PDX1: variants seen among roughly 807,000 people sequenced by gnomAD.
PDX1 encodes the protein pancreatic and duodenal homeobox 1, also known as pancreas/duodenum homeobox protein 1.
In PDX1, 7 loss-of-function variants were observed where a neutral mutation model predicts 11.1. The ratio of observed to expected loss-of-function variants is 0.63; its 90% CI spans 0.36 to 1.19. The LOEUF is 1.19. Ranked by LOEUF, PDX1 falls within the 50% of genes most tolerant of loss-of-function variation. PDX1 has a pLI of 0.02. For missense variants in PDX1, 449 were observed against 412.1 expected, an observed-to-expected ratio of 1.09 and a Z score of -0.78; for synonymous variants, 232 against 196.2, an observed-to-expected ratio of 1.18 and a Z score of -1.53.
At position 27,924,994 on chromosome 13, in the gene PDX1, A is replaced by C. The variant is rs1957814993; in HGVS notation, c.*293A>C. The stretch of plus-strand genomic sequence containing the variant: ...GGCGTTGTTTGTGGCTGTTGCGCAC[A>C]TCCCTGCCCTCCTACAGCACTCCAC... On this transcript the variant is annotated 3_prime_UTR_variant, in exon 2 of 2. Coordinates refer to ENST00000381033, the MANE Select transcript of PDX1 (RefSeq NM_000209.4). The surrounding 1 kb of genome is among the most constrained non-coding windows in gnomAD (Gnocchi z 4.8). 4 of 362,246 alleles carry C rather than the reference A, an allele frequency of 1.1e-5. No homozygotes were observed. Among genetic ancestry groups the C allele is most frequent in the African/African-American group, 2.1e-5 (1 of 46,928 alleles). 22.4% of individuals were successfully genotyped at this position (362,246 alleles called of 1,614,324 possible).
At chr13:27,922,472 G>A (rs183528394) in intron 1 of PDX1, among the ~76,000 whole-genome samples, 10 of 152,354 alleles carry the variant, frequency 6.6e-5, no homozygotes, top group Admixed American at 5.2e-4. Flanking sequence ...CCTGGGAAGA[G>A]CGAAGTGACA....
intron 1 of PDX1, among the ~76,000 whole-genome samples, chr13:27,923,701 T>A (rs1031405937): frequency 8.5e-5 from 13 of 152,336 alleles, no homozygotes; most frequent in African/African-American, 2.6e-4. Context: ...AAATAGCAGA[T>A]AATGGAGAGA....
rs193922358 is a variant in PDX1 at position 27,924,574 on chromosome 13, C to T, written c.725C>T (p.Pro242Leu). The T allele has an allele frequency of 1.5e-3, 2,205 of 1,506,836 alleles. 3 individuals are homozygous for T. Among genetic ancestry groups the T allele is most frequent in the Non-Finnish European group, 1.8e-3 (1,991 of 1,132,716 alleles). The allele number at this position is 1,506,836 out of a possible 1,614,324, so 93.3% of individuals were successfully genotyped here. A position where few individuals can be genotyped will look rare whatever the true frequency, so the allele number is the denominator to read the frequency against. The change falls in exon 2 of 2, where the codon CCG (proline) becomes CTG (leucine). Residue 242 changes from proline (P) to leucine (L), a missense_variant. Physicochemically the swap from Pro to Leu is moderately conservative, Grantham distance 98. Coordinates refer to ENST00000381033, the MANE Select transcript of PDX1 (RefSeq NM_000209.4). The surrounding 1 kb of genome is among the most constrained non-coding windows in gnomAD (Gnocchi z 4.8). The part of the protein sequence containing the change: ...GEELLALPPP[P>L]PPGGAVPPAA... ...GAGCTTCTGGCGCTGCCGCCGCCGCCGCCCCCCGGAGGTGCTGTGCCGCCC... is the reference window on the plus strand; with the variant it reads ...GAGCTTCTGGCGCTGCCGCCGCCGCTGCCCCCCGGAGGTGCTGTGCCGCCC...
Position 27,920,495 on chromosome 13 carries a change from C to T in PDX1, c.357C>T (p.Phe119=). The T allele has an allele frequency of 6.2e-7, 1 of 1,612,552 alleles. No individual in the cohort carries two copies. Among genetic ancestry groups the T allele is most frequent in the Non-Finnish European group, 8.5e-7 (1 of 1,179,838 alleles). Residue 119 remains phenylalanine (F), a synonymous_variant, in exon 1 of 2, where the codon TTC becomes TTT. Coordinates refer to ENST00000381033, the MANE Select transcript of PDX1 (RefSeq NM_000209.4). Reference sequence around the variant, plus strand: ...AGCCCAACCGCGTCCAGCTGCCTTTCCCATGGATGAAGTCTACCAAAGCTC... The same window carrying T: ...AGCCCAACCGCGTCCAGCTGCCTTTTCCATGGATGAAGTCTACCAAAGCTC... ...LEEPNRVQLP[F]PWMKSTKAHA...
At chr13:27,922,326 T>A (rs1957793446) in intron 1 of PDX1, among the ~76,000 whole-genome samples, 1 of 152,246 alleles carries the variant, frequency 6.6e-6, no homozygotes, top group South Asian at 2.1e-4. Flanking sequence ...ACCCGCTGCA[T>A]GCTCGACTCT....
In PDX1 at chr13:27,924,205, G is replaced by A. The variant is rs1488580637; in HGVS notation, c.407-51G>A. ...TTGAAGGGGTTGGGCTGCGTGGGTGGGGGCTGTGCGGGGCTCCGGGGGCCA... is the reference window on the plus strand; with the variant it reads ...TTGAAGGGGTTGGGCTGCGTGGGTGAGGGCTGTGCGGGGCTCCGGGGGCCA... On this transcript the variant is annotated intron_variant, in intron 1 of 1. Transcript: ENST00000381033. The surrounding 1 kb of genome is among the most constrained non-coding windows in gnomAD (Gnocchi z 4.8). 5 of 1,470,022 alleles carry A rather than the reference G, an allele frequency of 3.4e-6. No homozygotes were observed. The Admixed American group carries it at 1.0e-4, about 30-fold the overall frequency. 91.1% of individuals were successfully genotyped at this position (1,470,022 alleles called of 1,614,324 possible).
rs1298791020 is a variant in PDX1, at chr13:27,924,534, G to C, written c.685G>C (p.Val229Leu). The change falls in exon 2 of 2, where the codon GTG becomes CTG. Residue 229 changes from valine (V) to leucine (L), a missense_variant. Val to Leu is a conservative substitution (Grantham distance 32, BLOSUM62 1). Transcript: ENST00000381033. This position sits in a 1 kb window ranked among gnomAD's most constrained non-coding sequence, Gnocchi z 4.8. Reference protein sequence around the residue: ...GVAEPEQDCAVTSGEELLALP... With the variant: ...GVAEPEQDCALTSGEELLALP... ...CGCGGAGCCTGAGCAGGACTGCGCCGTGACCTCCGGCGAGGAGCTTCTGGC... is the reference window on the plus strand; with the variant it reads ...CGCGGAGCCTGAGCAGGACTGCGCCCTGACCTCCGGCGAGGAGCTTCTGGC... 1 of 1,592,428 alleles carries C rather than the reference G, an allele frequency of 6.3e-7. No homozygotes were observed. The highest frequency in any genetic ancestry group is 1.7e-5 in the Admixed American group (1 of 57,600).
Position 27,920,550 on chromosome 13 carries a change from C to T in PDX1, c.406+6C>T. ...GTGGAAAGGCCAGTGGGCAGGTAAGCCTGGCTCCCCACCCCTTTCTCCTTT... is the reference window on the plus strand; with the variant it reads ...GTGGAAAGGCCAGTGGGCAGGTAAGTCTGGCTCCCCACCCCTTTCTCCTTT... On this transcript the variant is annotated splice_donor_region_variant and intron_variant, in intron 1 of 1. Coordinates refer to ENST00000381033, the MANE Select transcript of PDX1 (RefSeq NM_000209.4). 1 of 1,612,856 alleles carries T rather than the reference C, an allele frequency of 6.2e-7. No individual in the cohort carries two copies. Among genetic ancestry groups the T allele is most frequent in the Non-Finnish European group, 8.5e-7 (1 of 1,179,842 alleles).
chr13:27,922,550 C>T (rs749244762), intron 1 of PDX1, among the ~76,000 whole-genome samples: 108 of 152,206 alleles, frequency 7.1e-4, no homozygotes, highest in Non-Finnish European at 1.4e-3. Flanking sequence ...AACATTGACC[C>T]CCAAATGCTT....
At position 27,925,612 on chromosome 13, in the gene PDX1, C is replaced by T; in HGVS notation, c.*911C>T. Reference sequence around the variant, plus strand: ...CCTCCTCTTTCTTCCTGACCTCTTTCTTTCTCCTCCTCCTCCTTCTACCTC... The same window carrying T: ...CCTCCTCTTTCTTCCTGACCTCTTTTTTTCTCCTCCTCCTCCTTCTACCTC... On this transcript the variant is annotated 3_prime_UTR_variant, in exon 2 of 2. Transcript: ENST00000381033. The T allele has an allele frequency of 1.1e-5, 2 of 184,916 alleles. No homozygotes were observed. The highest frequency in any genetic ancestry group is 1.0e-4 in the South Asian group (1 of 9,804). The allele number at this position is 184,916 out of a possible 1,614,324, so 11.5% of individuals were successfully genotyped here.
At position 27,920,279 on chromosome 13, in the gene PDX1, G is replaced by T; in HGVS notation, c.141G>T (p.Pro47=). The T allele has an allele frequency of 1.3e-6, 2 of 1,539,146 alleles. No homozygotes were observed. The highest frequency in any genetic ancestry group is 1.2e-5 in the South Asian group (1 of 82,902). ...YMGRQPPPPP[P]HPFPGALGAL... Reference sequence around the variant, plus strand: ...GCCGCCAGCCCCCGCCGCCGCCGCCGCACCCGTTCCCTGGCGCCCTGGGCG... The same window carrying T: ...GCCGCCAGCCCCCGCCGCCGCCGCCTCACCCGTTCCCTGGCGCCCTGGGCG... The change falls in exon 1 of 2, where the codon CCG becomes CCT. Residue 47 remains proline (P), a synonymous_variant. Coordinates refer to ENST00000381033, the MANE Select transcript of PDX1 (RefSeq NM_000209.4).
At chr13:27,921,286 G>C (rs1394331958) in intron 1 of PDX1, among the ~76,000 whole-genome samples, 1 of 152,244 alleles carries the variant, frequency 6.6e-6, no homozygotes, top group Non-Finnish European at 1.5e-5. Context: ...CGCTTCCCAG[G>C]AAGTAATTTT....
Position 27,923,209 on chromosome 13 carries a change from T to C in PDX1, c.407-1047T>C, listed in dbSNP as rs139406246. Among the ~76,000 whole-genome samples the C allele has an allele frequency of 9.5e-3, 1,440 of 152,356 alleles. 18 individuals carry two copies. The highest frequency in any genetic ancestry group is 0.024 in the African/African-American group (982 of 41,584). On this transcript the variant is annotated intron_variant, in intron 1 of 1. Transcript: ENST00000381033. ...CCACAGAAAAGAAAAGATTGGGACC[T>C]GGCTGAGCGCAGCGGCAAACAGTGA...
rs922978123 is a variant in PDX1, at chr13:27,925,221, T to A, written c.*520T>A. On this transcript the variant is annotated 3_prime_UTR_variant, in exon 2 of 2. Transcript: ENST00000381033. Reference sequence around the variant, plus strand: ...TGAGTTTTCAAAGATCCCGTGAAATTGATGCCAGTGGAATACAGTGAGTCC... The same window carrying A: ...TGAGTTTTCAAAGATCCCGTGAAATAGATGCCAGTGGAATACAGTGAGTCC... The A allele has an allele frequency of 5.3e-6, 1 of 189,356 alleles. No individual in the cohort carries two copies. Among genetic ancestry groups the A allele is most frequent in the African/African-American group, 2.4e-5 (1 of 42,248 alleles). 11.7% of individuals were successfully genotyped at this position (189,356 alleles called of 1,614,324 possible).
chr13:27,926,122 T>G lies in PDX1; in HGVS notation c.*1421T>G, dbSNP rs1209024668. The stretch of plus-strand genomic sequence containing the variant: ...TACCTAACAGTTATTTACAAACAGG[T>G]CTGTGCATCCCAGGTCTGTCTTCTT... On this transcript the variant is annotated 3_prime_UTR_variant, in exon 2 of 2. Transcript: ENST00000381033. 6.6e-6 allele frequency: 1 copy of G among 152,226 alleles called. No individual in the cohort carries two copies. The highest frequency in any genetic ancestry group is 1.9e-4 in the East Asian group (1 of 5,202). 9.4% of individuals were successfully genotyped at this position (152,226 alleles called of 1,614,324 possible).
At position 27,925,474 on chromosome 13, in the gene PDX1, CCCTCCTCTTCCTCTT is replaced by C. The variant is rs1411516841; in HGVS notation, c.*785_*799del. On this transcript the variant is annotated 3_prime_UTR_variant, in exon 2 of 2. Transcript: ENST00000381033. ...CTCCTCTCCCTCCTCCTCTTCTTCT[CCCTCCTCTTCCTCTT>C]CCTCCTCTTCCACGTGCTCTCCTTT... 442 of 146,946 alleles carry C rather than the reference CCCTCCTCTTCCTCTT, an allele frequency of 3.0e-3. 8 individuals carry two copies. The highest frequency in any genetic ancestry group is 0.012 in the African/African-American group (418 of 33,720). 9.1% of individuals were successfully genotyped at this position (146,946 alleles called of 1,614,324 possible).
At chr13:27,921,328 G>A (rs1307358360) in intron 1 of PDX1, among the ~76,000 whole-genome samples, 1 of 152,250 alleles carries the variant, frequency 6.6e-6, no homozygotes, top group African/African-American at 2.4e-5. Context: ...CCTAGCTGGT[G>A]GGGAGGCGAG....
In PDX1 at chr13:27,925,000, GC is replaced by G; in HGVS notation, c.*302del. 2.8e-6 allele frequency: 1 copy of G among 355,986 alleles called. No homozygotes were observed. Among genetic ancestry groups the G allele is most frequent in the Non-Finnish European group, 5.0e-6 (1 of 201,518 alleles). The allele number at this position is 355,986 out of a possible 1,614,324, so 22.1% of individuals were successfully genotyped here. A position where few individuals can be genotyped will look rare whatever the true frequency, so the allele number is the denominator to read the frequency against. On this transcript the variant is annotated 3_prime_UTR_variant, in exon 2 of 2. Transcript: ENST00000381033. This position sits in a 1 kb window ranked among gnomAD's most constrained non-coding sequence, Gnocchi z 4.8. Reference sequence around the variant, plus strand: ...GTTTGTGGCTGTTGCGCACATCCCTGCCCTCCTACAGCACTCCACCTTGGGA... The same window carrying G: ...GTTTGTGGCTGTTGCGCACATCCCTGCCTCCTACAGCACTCCACCTTGGGA...
In PDX1 at chr13:27,924,811, G is replaced by T. The variant is rs532113600; in HGVS notation, c.*110G>T. 7.3e-5 allele frequency: 65 copies of T among 886,900 alleles called. No homozygotes were observed. The African/African-American group carries it at 1.0e-3, about 14-fold the overall frequency. The allele number at this position is 886,900 out of a possible 1,614,324, so 54.9% of individuals were successfully genotyped here. ...ACCCGCCCTGGCAGTTGAATGGGGC[G>T]GCAATTGCGGGGCCCACCTTAGACC... On this transcript the variant is annotated 3_prime_UTR_variant, in exon 2 of 2. Coordinates refer to ENST00000381033, the MANE Select transcript of PDX1 (RefSeq NM_000209.4). This position sits in a 1 kb window ranked among gnomAD's most constrained non-coding sequence, Gnocchi z 4.8.
Sources: gnomAD v4.1 joint callset for allele counts (sites outside exome capture counted in the v4.1 genomes callset) on GRCh38, gnomAD v4.1.1 for gene constraint, Gnocchi (gnomAD v3.1) non-coding constraint, MANE v1.5 for transcripts, NCBI Gene and HGNC (gene_info 2026-07-23, HGNC 2026-07-21) for gene names.